TSPAN9: variants seen among roughly 807,000 people sequenced by gnomAD.
The protein encoded by TSPAN9 is tetraspanin 9.
A neutral mutation model predicts 31.0 loss-of-function variants in TSPAN9; 16 were observed. The observed-to-expected ratio is 0.52, with a 90% CI of 0.35 to 0.78. TSPAN9 has a LOEUF of 0.78. Among genes scored for constraint, TSPAN9 ranks in the 30% least tolerant of loss-of-function variants. TSPAN9 has a pLI of 0.01. For synonymous variants in TSPAN9, 145 were observed against 121.6 expected (o/e 1.19, Z -1.27); for missense variants, 272 against 312.5 (o/e 0.87, Z 0.98).
chr12:3,221,415 A>G (rs113276931), intron 3 of TSPAN9, among the ~76,000 whole-genome samples: 3,695 of 139,288 alleles, frequency 0.027, 47 homozygotes, highest in Middle Eastern at 0.061. Context: ...CTGGAGTGCA[A>G]TGGTGTGAAT....
intron 3 of TSPAN9, among the ~76,000 whole-genome samples, chr12:3,231,075 C>T (rs2098390501): frequency 6.6e-6 from 1 of 152,180 alleles, no homozygotes; most frequent in African/African-American, 2.4e-5. Context: ...CGAGAGAGTG[C>T]TTGCCTGGGT....
intron 3 of TSPAN9, among the ~76,000 whole-genome samples, chr12:3,219,712 G>T (rs893720139): frequency 6.6e-6 from 1 of 152,112 alleles, no homozygotes; most frequent in Non-Finnish European, 1.5e-5. Flanking sequence ...CCTGTCGGGG[G>T]GTGAGGAGCT....
intron 2 of TSPAN9, among the ~76,000 whole-genome samples, chr12:3,125,538 C>T (rs999385628): frequency 5.3e-5 from 8 of 151,908 alleles, no homozygotes; most frequent in East Asian, 1.9e-4. Flanking sequence ...GCTGTTTTTC[C>T]GAATACTCTG....
In TSPAN9 at chr12:3,284,628, T is replaced by G. The variant is rs1350211240; in HGVS notation, c.*1512T>G. 6.6e-6 allele frequency: 1 copy of G among 152,544 alleles called. No homozygotes were observed. 9.4% of individuals were successfully genotyped at this position (152,544 alleles called of 1,614,324 possible). ...CTGGGGAGTGAGGCCAGGAGTGGGA[T>G]TCAGCTGCAGCAGGGCGCCCCCTCC... On this transcript the variant is annotated 3_prime_UTR_variant, in exon 9 of 9. Transcript: ENST00000011898.
intron 3 of TSPAN9, among the ~76,000 whole-genome samples, chr12:3,218,746 A>G (rs1189649844): frequency 6.6e-6 from 1 of 152,208 alleles, no homozygotes; most frequent in Non-Finnish European, 1.5e-5. Context: ...TCCTCTCTGC[A>G]GTGATTAAGA....
rs931757218 is a variant in TSPAN9 at position 3,172,794 on chromosome 12, G to A, written c.-17-28383G>A. ...CTTCGTAATCAGCGTCACCCTGTAGGTGTTGATTGAGCCTGCAGGGAATAC... is the reference window on the plus strand; with the variant it reads ...CTTCGTAATCAGCGTCACCCTGTAGATGTTGATTGAGCCTGCAGGGAATAC... On this transcript the variant is annotated intron_variant, in intron 2 of 8. Transcript: ENST00000011898. The surrounding 1 kb of genome is among the most constrained non-coding windows in gnomAD (Gnocchi z 4.8). 4 of 152,222 alleles carry A rather than the reference G, an allele frequency of 2.6e-5. No individual in the cohort carries two copies. The highest frequency in any genetic ancestry group is 4.4e-5 in the Non-Finnish European group (3 of 68,062). 9.4% of individuals were successfully genotyped at this position (152,222 alleles called of 1,614,324 possible).
In TSPAN9 at chr12:3,244,219, C is replaced by G. The variant is rs544952665; in HGVS notation, c.64-34202C>G. On this transcript the variant is annotated intron_variant, in intron 3 of 8. Coordinates refer to ENST00000011898, the MANE Select transcript of TSPAN9 (RefSeq NM_006675.5). ...GCCTTCTTGACCCAGACTCTTGTCC[C>G]CTCCCCAAGAGACTGCCAGCCACAT... 2.7e-3 allele frequency among the ~76,000 whole-genome samples: 417 copies of G among 152,290 alleles called. 1 individual carries two copies. Among genetic ancestry groups the G allele is most frequent in the African/African-American group, 9.3e-3 (387 of 41,552 alleles).
At chr12:3,132,204 G>A (rs780111520) in intron 2 of TSPAN9, among the ~76,000 whole-genome samples, 1 of 152,160 alleles carries the variant, frequency 6.6e-6, no homozygotes, top group Non-Finnish European at 1.5e-5. Flanking sequence ...CCTTTGGGCT[G>A]TTGTAAATAG....
intron 3 of TSPAN9, among the ~76,000 whole-genome samples, chr12:3,257,649 C>T (rs1440146491): frequency 6.6e-6 from 1 of 152,028 alleles, no homozygotes; most frequent in East Asian, 1.9e-4. Context: ...CCCCTCTTCG[C>T]TGGCATCTCA....
At chr12:3,130,756 G>A (rs2098329459) in intron 2 of TSPAN9, among the ~76,000 whole-genome samples, 1 of 152,108 alleles carries the variant, frequency 6.6e-6, no homozygotes, top group African/African-American at 2.4e-5. Flanking sequence ...TGGCACACAC[G>A]GCCGTGCTCT....
At chr12:3,137,448 C>T (rs1282035651) in intron 2 of TSPAN9, among the ~76,000 whole-genome samples, 1 of 152,234 alleles carries the variant, frequency 6.6e-6, no homozygotes, top group Non-Finnish European at 1.5e-5. Context: ...TGTGGCTTCA[C>T]ATCCTGCGGG....
intron 2 of TSPAN9, among the ~76,000 whole-genome samples, chr12:3,180,334 A>C (rs533764008): frequency 2.0e-5 from 3 of 152,146 alleles, no homozygotes; most frequent in Non-Finnish European, 2.9e-5. Context: ...TCTACAGAAA[A>C]AATAAAATTA....
intron 2 of TSPAN9, among the ~76,000 whole-genome samples, chr12:3,160,869 T>G (rs547995112): frequency 6.6e-5 from 10 of 152,358 alleles, no homozygotes; most frequent in Admixed American, 5.9e-4. Context: ...TTGCAAATAT[T>G]TTCTCATATT....
intron 3 of TSPAN9, among the ~76,000 whole-genome samples, chr12:3,228,018 A>G (rs922328341): frequency 4.6e-5 from 7 of 152,160 alleles, no homozygotes; most frequent in South Asian, 2.1e-4. Context: ...AGCAATTACT[A>G]TGTACCAGGC....
chr12:3,229,207 TGGG>T (rs1348997058), intron 3 of TSPAN9, among the ~76,000 whole-genome samples: 4 of 152,216 alleles, frequency 2.6e-5, no homozygotes, highest in Non-Finnish European at 4.4e-5. Flanking sequence ...GGACAGGGGT[TGGG>T]GGGTTGGTCC....
At chr12:3,084,375 T>C (rs567498352) in intron 2 of TSPAN9, among the ~76,000 whole-genome samples, 9 of 152,262 alleles carry the variant, frequency 5.9e-5, no homozygotes, top group African/African-American at 2.2e-4. Flanking sequence ...AATTTATGTG[T>C]GTTTTCTCCT....
rs1426241959 is a variant in TSPAN9 at position 3,121,533 on chromosome 12, C to CGT, written c.-18+37814_-18+37815insGT. Among the ~76,000 whole-genome samples the CGT allele has an allele frequency of 2.2e-3, 204 of 92,890 alleles. 10 individuals are homozygous for CGT. The highest frequency in any genetic ancestry group is 4.4e-3 in the East Asian group (13 of 2,934). The allele number at this position is 92,890 out of a possible 152,430, so 60.9% of individuals were successfully genotyped here. On this transcript the variant is annotated intron_variant, in intron 2 of 8. Transcript: ENST00000011898. ...TGCCACCATATCTGGCTAATTAAAA[C>CGT]TTTTTTTTTTTTTTTTTTTTTTTTT... is the stretch of plus-strand genomic sequence containing the variant.
chr12:3,206,386 T>C (rs1210213229), intron 3 of TSPAN9: 1 of 455,746 alleles, frequency 2.2e-6, no homozygotes, highest in African/African-American at 2.0e-5. Flanking sequence ...CGTCCTGCGC[T>C]GAGCATTTGA....
intron 2 of TSPAN9, among the ~76,000 whole-genome samples, chr12:3,186,409 G>A (rs2098361332): frequency 6.6e-6 from 1 of 152,156 alleles, no homozygotes; most frequent in Admixed American, 6.5e-5. Flanking sequence ...GTTTACAGGA[G>A]CTGAGAGGAG....
Sources: allele counts gnomAD v4.1 joint callset (sites outside exome capture counted in the v4.1 genomes callset), GRCh38; gene constraint gnomAD v4.1.1; non-coding constraint Gnocchi (gnomAD v3.1); transcripts MANE v1.5; gene names NCBI Gene and HGNC (gene_info 2026-07-23, HGNC 2026-07-21).